The following CTNND2 variants were observed in gnomAD, a reference collection of about 807,000 sequenced individuals.
CTNND2 encodes the protein catenin delta 2.
A neutral mutation model predicts 144.4 loss-of-function variants in CTNND2; 22 were observed. The ratio of observed to expected loss-of-function variants is 0.15; its 90% CI spans 0.11 to 0.22. The LOEUF is 0.22. CTNND2 is among the 10% of genes least tolerant of loss of function. The pLI, the probability that CTNND2 is intolerant of heterozygous loss-of-function variation, is 1.00. For missense variants in CTNND2, 1,353 were observed against 1,618.8 expected, an observed-to-expected ratio of 0.84 and a Z score of 2.82; for synonymous variants, 751 against 695.6, an observed-to-expected ratio of 1.08 and a Z score of -1.25.
intron 9 of CTNND2, among the ~76,000 whole-genome samples, chr5:11,250,456 G>GCTCTCT (rs71595810): frequency 0.087 from 6,327 of 72,946 alleles, 418 homozygotes; most frequent in Non-Finnish European, 0.11. Flanking sequence ...TTTAAAGGGT[G>GCTCTCT]CTCTCTCTCT....
At chr5:11,577,106 A>AT (rs1199340244) in intron 2 of CTNND2, among the ~76,000 whole-genome samples, 7 of 152,200 alleles carry the variant, frequency 4.6e-5, no homozygotes, top group Non-Finnish European at 1.0e-4. Context: ...AGTTCCAATT[A>AT]TTTTTGACTT....
chr5:10,976,297 A>G (rs1736478629), intron 21 of CTNND2, among the ~76,000 whole-genome samples: 1 of 151,876 alleles, frequency 6.6e-6, no homozygotes, highest in Non-Finnish European at 1.5e-5. Context: ...TTAAGGGAAT[A>G]TCTGACAGTT....
At chr5:11,820,086 G>A (rs898327266) in intron 1 of CTNND2, among the ~76,000 whole-genome samples, 1 of 152,114 alleles carries the variant, frequency 6.6e-6, no homozygotes, top group African/African-American at 2.4e-5. Context: ...TTCCAACACT[G>A]TCAAGGAAAG....
At chr5:11,707,041 A>G (rs998594268) in intron 2 of CTNND2, among the ~76,000 whole-genome samples, 2 of 151,240 alleles carry the variant, frequency 1.3e-5, no homozygotes, top group African/African-American at 4.9e-5. Context: ...AGCCGAGATC[A>G]CGCCACTGCA....
chr5:11,218,027 C>T (rs559796069), intron 10 of CTNND2, among the ~76,000 whole-genome samples: 3 of 151,718 alleles, frequency 2.0e-5, no homozygotes, highest in Admixed American at 1.3e-4. Context: ...TCCTCCCTTC[C>T]TCCCTCCCTT....
In CTNND2 at chr5:11,669,508, G is replaced by A. The variant is rs190129185; in HGVS notation, c.174+62628C>T. Among the ~76,000 whole-genome samples the A allele has an allele frequency of 1.1e-4, 16 of 152,224 alleles. No individual in the cohort carries two copies. In the East Asian group the frequency reaches 2.3e-3, roughly 22 times the overall value. ...AGTCTTTGGAGGGTATATGGGTCCA[G>A]GAATTTATCCATTTCTTCTAGATTT... On this transcript the variant is annotated intron_variant, in intron 2 of 21. Coordinates refer to ENST00000304623, the MANE Select transcript of CTNND2 (RefSeq NM_001332.4).
chr5:11,737,480 G>A (rs940095136), intron 1 of CTNND2, among the ~76,000 whole-genome samples: 3 of 152,198 alleles, frequency 2.0e-5, no homozygotes, highest in African/African-American at 7.2e-5. Flanking sequence ...AGACAGCAGT[G>A]CGGGAAGAAC....
intron 7 of CTNND2, among the ~76,000 whole-genome samples, chr5:11,367,101 C>T (rs2032879): frequency 0.43 from 65,420 of 152,102 alleles, 14,529 homozygotes; most frequent in Non-Finnish European, 0.48. Context: ...AAACTATAAG[C>T]TCATAGTGTT....
chr5:11,667,350 C>T (rs888823975), intron 2 of CTNND2, among the ~76,000 whole-genome samples: 10 of 152,178 alleles, frequency 6.6e-5, no homozygotes, highest in Non-Finnish European at 1.0e-4. Context: ...ACACTGTCTT[C>T]CCCAATGGTT....
chr5:11,178,990 T>A (rs572483648), intron 11 of CTNND2, among the ~76,000 whole-genome samples: 2 of 152,228 alleles, frequency 1.3e-5, no homozygotes, highest in Non-Finnish European at 2.9e-5. Context: ...TACAACTATT[T>A]CTTAATTATG....
chr5:11,380,985 C>T (rs1288887618), intron 7 of CTNND2, among the ~76,000 whole-genome samples: 1 of 152,110 alleles, frequency 6.6e-6, no homozygotes, highest in Non-Finnish European at 1.5e-5. Context: ...CCCAGACCAC[C>T]CGGTCCCTCT....
intron 3 of CTNND2, among the ~76,000 whole-genome samples, chr5:11,427,337 G>T (rs1258074497): frequency 6.7e-6 from 1 of 148,736 alleles, no homozygotes; most frequent in Non-Finnish European, 1.5e-5. Context: ...AAGTGCAGTG[G>T]TGCCATCTCG....
chr5:11,307,756 T>C (rs537143104), intron 9 of CTNND2, among the ~76,000 whole-genome samples: 10 of 152,354 alleles, frequency 6.6e-5, no homozygotes, highest in African/African-American at 2.4e-4. Flanking sequence ...ATTAGACTCA[T>C]AGTGCTGCCT....
intron 1 of CTNND2, among the ~76,000 whole-genome samples, chr5:11,806,015 C>T (rs544936655): frequency 1.2e-4 from 18 of 152,198 alleles, no homozygotes; most frequent in Middle Eastern, 3.4e-3. Context: ...ATATGACTGA[C>T]CAATACTCCT....
intron 2 of CTNND2, among the ~76,000 whole-genome samples, chr5:11,656,378 T>A (rs1782911722): frequency 6.6e-6 from 1 of 151,114 alleles, no homozygotes; most frequent in Admixed American, 6.7e-5. Context: ...AGCCCAACCC[T>A]ATACCATCCC....
At chr5:11,416,960 C>T (rs901367840) in intron 3 of CTNND2, among the ~76,000 whole-genome samples, 4 of 152,004 alleles carry the variant, frequency 2.6e-5, no homozygotes, top group African/African-American at 9.7e-5. Context: ...GTATTTAGGA[C>T]AAAGACAACC....
intron 3 of CTNND2, among the ~76,000 whole-genome samples, chr5:11,418,461 G>C (rs1196673193): frequency 6.6e-6 from 1 of 152,136 alleles, no homozygotes; most frequent in African/African-American, 2.4e-5. Flanking sequence ...GCTCTTGTTA[G>C]AGCAATATGA....
At chr5:11,330,591 C>T (rs1053043849) in intron 9 of CTNND2, among the ~76,000 whole-genome samples, 14 of 149,272 alleles carry the variant, frequency 9.4e-5, no homozygotes, top group African/African-American at 3.2e-4. Context: ...AAGGGCGAGG[C>T]GGGTGGTGGA....
At position 11,548,761 on chromosome 5, in the gene CTNND2, T is replaced by C. The variant is rs959484265; in HGVS notation, c.287+16183A>G. ...AAAAACCACTCGTTTCTTTACATTT[T>C]GTTTCTTAAAATTCCCTTATTTTGT... On this transcript the variant is annotated intron_variant, in intron 3 of 21. Coordinates refer to ENST00000304623, the MANE Select transcript of CTNND2 (RefSeq NM_001332.4). 5.9e-5 allele frequency among the ~76,000 whole-genome samples: 9 copies of C among 152,336 alleles called. No individual in the cohort carries two copies. In the East Asian group the frequency reaches 1.5e-3, roughly 26 times the overall value.
Sources: gnomAD v4.1 joint callset for allele counts (sites outside exome capture counted in the v4.1 genomes callset) on GRCh38, gnomAD v4.1.1 for gene constraint, MANE v1.5 for transcripts, NCBI Gene and HGNC (gene_info 2026-07-23, HGNC 2026-07-21) for gene names.